Variants in NEDD4 observed in about 807,000 individuals in gnomAD.
NEDD4 encodes NEDD4 E3 ubiquitin protein ligase.
NEDD4 carries 99 observed loss-of-function variants against 144.9 expected under a neutral mutation model. The ratio of observed to expected loss-of-function variants is 0.68; its 90% CI spans 0.58 to 0.81. NEDD4 has a LOEUF of 0.81. Among genes scored for constraint, NEDD4 ranks in the 30% least tolerant of loss-of-function variants. The probability of loss-of-function intolerance (pLI) is 0.00; values close to 1 mark genes in which losing one functional copy is unlikely to be tolerated. For missense variants in NEDD4, 985 were observed against 1,065.9 expected, an observed-to-expected ratio of 0.92 and a Z score of 1.06; for synonymous variants, 318 against 350.6, an observed-to-expected ratio of 0.91 and a Z score of 1.04.
At chr15:55,857,873 G>A (rs1172286973) in intron 11 of NEDD4, among the ~76,000 whole-genome samples, 1 of 152,084 alleles carries the variant, frequency 6.6e-6, no homozygotes, top group African/African-American at 2.4e-5. Context: ...CCAGAAATTT[G>A]AGGTTGCAGT....
intron 1 of NEDD4, among the ~76,000 whole-genome samples, chr15:55,984,300 T>C (rs962286397): frequency 2.6e-5 from 4 of 152,212 alleles, no homozygotes; most frequent in Admixed American, 1.3e-4. Context: ...GACCAAGTGT[T>C]TGTTATGAAT....
chr15:55,838,430 T>C, intron 22 of NEDD4, 79 bp downstream of exon 22: 1 of 958,972 alleles, frequency 1.0e-6, no homozygotes, highest in South Asian at 1.4e-5. Flanking sequence ...AGCCTAGGAA[T>C]GTATTAAGTG....
chr15:55,940,804 G>T (rs2036989250), intron 4 of NEDD4, among the ~76,000 whole-genome samples: 2 of 151,924 alleles, frequency 1.3e-5, no homozygotes, highest in Admixed American at 6.6e-5. Flanking sequence ...TTATAGGCAT[G>T]AGCCACCATG....
intron 5 of NEDD4, among the ~76,000 whole-genome samples, chr15:55,902,023 T>G (rs2035929620): frequency 6.6e-6 from 1 of 152,104 alleles, no homozygotes. Context: ...ATGAGTAAGG[T>G]AGCTATCCCA....
chr15:55,955,831 T>C (rs2037328031), intron 2 of NEDD4, among the ~76,000 whole-genome samples: 1 of 151,432 alleles, frequency 6.6e-6, no homozygotes, highest in African/African-American at 2.4e-5. Flanking sequence ...TTTTTTTTTT[T>C]TTGAGGCAGG....
chr15:55,842,436 G>A (rs539636119), intron 18 of NEDD4, among the ~76,000 whole-genome samples: 2 of 152,298 alleles, frequency 1.3e-5, no homozygotes, highest in African/African-American at 4.8e-5. Context: ...GTCCAGGCTG[G>A]AGTGCAGTGG....
Position 55,840,440 on chromosome 15 carries a change from G to T in NEDD4, c.2031+7C>A. The T allele has an allele frequency of 6.2e-7, 1 of 1,610,598 alleles. No individual in the cohort carries two copies. Among genetic ancestry groups the T allele is most frequent in the Non-Finnish European group, 8.5e-7 (1 of 1,178,466 alleles). Reference sequence around the variant, plus strand: ...CTTCGTCTATACTATAAGTGAAAAAGACATACCACAGATTCCATATCATGA... The same window carrying T: ...CTTCGTCTATACTATAAGTGAAAAATACATACCACAGATTCCATATCATGA... On this transcript the variant is annotated splice_region_variant and intron_variant, in intron 21 of 28. Transcript: ENST00000435532.
At chr15:55,974,271 T>C (rs1216351274) in intron 1 of NEDD4, among the ~76,000 whole-genome samples, 1 of 152,168 alleles carries the variant, frequency 6.6e-6, no homozygotes, top group African/African-American at 2.4e-5. Context: ...GTTGAAGCTG[T>C]AGTAAAGTCT....
chr15:55,855,932 G>A (rs1444645742), intron 12 of NEDD4, among the ~76,000 whole-genome samples, 199 bp downstream of exon 12: 3 of 152,168 alleles, frequency 2.0e-5, no homozygotes, highest in Non-Finnish European at 2.9e-5. Context: ...AGCATGCAGA[G>A]ACTTTGCTTT....
At chr15:55,939,120 C>CAACAAACAAACA (rs112306166) in intron 4 of NEDD4, among the ~76,000 whole-genome samples, 15 of 150,876 alleles carry the variant, frequency 9.9e-5, no homozygotes, top group African/African-American at 2.4e-4. Flanking sequence ...ACAACAACAA[C>CAACAAACAAACA]AACAAACAAA....
intron 4 of NEDD4, among the ~76,000 whole-genome samples, chr15:55,946,088 T>G (rs909029806): frequency 9.9e-5 from 15 of 152,058 alleles, no homozygotes; most frequent in African/African-American, 3.6e-4. Flanking sequence ...ATGAAGAAAC[T>G]CCATCAATTA....
At chr15:55,917,526 C>T (rs779905090) in intron 5 of NEDD4, among the ~76,000 whole-genome samples, 10 of 151,356 alleles carry the variant, frequency 6.6e-5, no homozygotes, top group Non-Finnish European at 1.2e-4. Context: ...CAAAACTTTA[C>T]AATGAATTAA....
chr15:55,859,518 A>G (rs2034320616), intron 11 of NEDD4, among the ~76,000 whole-genome samples: 1 of 151,850 alleles, frequency 6.6e-6, no homozygotes, highest in Non-Finnish European at 1.5e-5. Context: ...ACAGGGTGAA[A>G]CTCCTCCATC....
At chr15:55,907,051 C>T (rs1477318914) in intron 5 of NEDD4, among the ~76,000 whole-genome samples, 5 of 151,656 alleles carry the variant, frequency 3.3e-5, no homozygotes, top group South Asian at 4.2e-4. Flanking sequence ...GCCAAGATCA[C>T]GGCACTGCAC....
intron 14 of NEDD4, 108 bp from the exon 15 acceptor site, chr15:55,848,994 G>T: frequency 1.2e-6 from 1 of 842,462 alleles, no homozygotes; most frequent in Non-Finnish European, 1.9e-6. Flanking sequence ...ATATTCTCTT[G>T]TAAAAGTCAA....
At chr15:55,982,961 A>C (rs1768601934) in intron 1 of NEDD4, among the ~76,000 whole-genome samples, 1 of 152,142 alleles carries the variant, frequency 6.6e-6, no homozygotes, top group Admixed American at 6.5e-5. Flanking sequence ...GTCTCTACTA[A>C]AAATACAAAA....
rs767438924 is a variant in NEDD4 at position 55,852,519 on chromosome 15, G to A, written c.1051C>T (p.Pro351Ser). ...TCTTGTTTTTCTTCCCAACCTGGTG[G>A]TAATCCAGATGAAGTAGGCAAAAGC... ...PVLLPTSSGL[P>S]PGWEEKQDER... The change falls in exon 13 of 29, where the codon CCA becomes TCA. Residue 351 changes from proline to serine, a missense_variant. Coordinates refer to ENST00000435532, the MANE Select transcript of NEDD4 (RefSeq NM_006154.4). 1.2e-6 allele frequency: 2 copies of A among 1,612,850 alleles called. No individual in the cohort carries two copies. The highest frequency in any genetic ancestry group is 1.3e-5 in the African/African-American group (1 of 74,844).
chr15:55,945,098 A>G (rs1166297025), intron 4 of NEDD4, among the ~76,000 whole-genome samples: 1 of 152,072 alleles, frequency 6.6e-6, no homozygotes, highest in Non-Finnish European at 1.5e-5. Context: ...ACCAGAGCGC[A>G]TCTTCTCCTC....
chr15:55,916,534 G>A, intron 5 of NEDD4: 1 of 1,614,092 alleles, frequency 6.2e-7, no homozygotes, highest in South Asian at 1.1e-5. Context: ...CTAGACTGAA[G>A]ATATCCACTG....
Sources: gnomAD v4.1 joint callset for allele counts (sites outside exome capture counted in the v4.1 genomes callset) on GRCh38, gnomAD v4.1.1 for gene constraint, MANE v1.5 for transcripts, NCBI Gene and HGNC (gene_info 2026-07-23, HGNC 2026-07-21) for gene names.